TRPC7: variants seen among roughly 807,000 people sequenced by gnomAD.
TRPC7 encodes the protein transient receptor potential cation channel subfamily C member 7.
Under a neutral mutation model 90.1 loss-of-function variants are expected in TRPC7, and 42 were observed. That is an observed-to-expected ratio of 0.47 (90% confidence interval 0.36 to 0.60). The LOEUF (loss-of-function observed/expected upper bound fraction) is 0.60, where lower values mean the gene tolerates loss of function less well. Ranked by LOEUF, TRPC7 falls within the 20% of genes least tolerant of loss-of-function variation. The pLI is 0.00. For missense variants in TRPC7, 955 were observed against 1,112.3 expected (o/e 0.86, Z 2.01); for synonymous variants, 451 against 436.3 (o/e 1.03, Z -0.42).
At chr5:136,238,133 T>A (rs1446601202) in intron 7 of TRPC7, among the ~76,000 whole-genome samples, 1 of 152,230 alleles carries the variant, frequency 6.6e-6, no homozygotes, top group Non-Finnish European at 1.5e-5. Flanking sequence ...GGCTTCAGGC[T>A]CAGTCAGCAT....
chr5:136,298,101 A>G (rs1758245085), intron 3 of TRPC7, among the ~76,000 whole-genome samples: 2 of 152,214 alleles, frequency 1.3e-5, no homozygotes, highest in Non-Finnish European at 2.9e-5. Context: ...ATAAACAAGT[A>G]AACAAAAGAA....
At chr5:136,216,110 G>A in intron 11 of TRPC7, 90 bp downstream of exon 11, 1 of 1,065,388 alleles carries the variant, frequency 9.4e-7, no homozygotes, top group Non-Finnish European at 1.4e-6. Context: ...GGAGCACAGT[G>A]CCCTGACAAC....
intron 2 of TRPC7, among the ~76,000 whole-genome samples, chr5:136,338,214 A>G (rs1343318940): frequency 6.6e-6 from 1 of 152,234 alleles, no homozygotes; most frequent in Admixed American, 6.5e-5. Context: ...AGATCATAGT[A>G]ACGTAAAAGA....
chr5:136,359,973 G>A lies in TRPC7; in HGVS notation c.3-2588C>T, dbSNP rs542035899. ...AGCATCTGAGCAGTGTGTCAGATAC[G>A]AAACAGCAGCTGTCCGAGAAGAAGC... is the stretch of plus-strand genomic sequence containing the variant. On this transcript the variant is annotated intron_variant, in intron 1 of 11. Coordinates refer to ENST00000513104, the MANE Select transcript of TRPC7 (RefSeq NM_020389.3). 2.6e-4 allele frequency among the ~76,000 whole-genome samples: 39 copies of A among 152,228 alleles called. No homozygotes were observed. In the East Asian group the frequency reaches 6.8e-3, roughly 26 times the overall value.
At chr5:136,338,519 G>A (rs894405946) in intron 2 of TRPC7, among the ~76,000 whole-genome samples, 21 of 152,118 alleles carry the variant, frequency 1.4e-4, no homozygotes, top group African/African-American at 5.1e-4. Flanking sequence ...GTGTCCTATC[G>A]CTCAGGCGGG....
Position 136,226,051 on chromosome 5 carries a change from G to C in TRPC7, c.2245C>G (p.Leu749Val). The change falls in exon 9 of 12, where the codon CTG (leucine) becomes GTG (valine). Residue 749 changes from leucine to valine, a missense_variant. Leu to Val is a conservative substitution (Grantham distance 32). Transcript: ENST00000513104. Reference sequence around the variant, plus strand: ...CTACCTACCTTGAATTTGGAATTCAGCATGCCCATTTCAAGGTCATTTTCA... The same window carrying C: ...CTACCTACCTTGAATTTGGAATTCACCATGCCCATTTCAAGGTCATTTTCA... ...SCENDLEMGM[L>V]NSKFKKTRYQ... The C allele has an allele frequency of 6.3e-7, 1 of 1,597,880 alleles. No homozygotes were observed. The highest frequency in any genetic ancestry group is 8.5e-7 in the Non-Finnish European group (1 of 1,171,382).
chr5:136,324,029 T>C (rs1044262923), intron 2 of TRPC7, among the ~76,000 whole-genome samples: 3 of 152,146 alleles, frequency 2.0e-5, no homozygotes, highest in African/African-American at 7.2e-5. Flanking sequence ...TTTTCACATA[T>C]GTTTTATAAA....
intron 3 of TRPC7, among the ~76,000 whole-genome samples, chr5:136,313,313 G>A (rs1758896814): frequency 6.6e-6 from 1 of 152,138 alleles, no homozygotes. Context: ...TTTATGCCAT[G>A]TGGGCAGAAT....
chr5:136,338,405 A>G (rs1219752924), intron 2 of TRPC7, among the ~76,000 whole-genome samples: 2 of 152,218 alleles, frequency 1.3e-5, no homozygotes, highest in African/African-American at 4.8e-5. Context: ...TAGAGCTTGT[A>G]TCTCACCTCT....
Position 136,356,948 on chromosome 5 carries a change from C to A in TRPC7, c.440G>T (p.Arg147Leu), listed in dbSNP as rs1360853337. The A allele has an allele frequency of 1.9e-6, 3 of 1,612,814 alleles. No homozygotes were observed. Among genetic ancestry groups the A allele is most frequent in the African/African-American group, 2.7e-5 (2 of 74,936 alleles). ...GTCGTAGGCATAGAAGTCGTCGTCG[C>A]GCAGCTCCTGTTCCAGCGGGCTGAG... ...LTLSPLEQEL[R>L]DDDFYAYDED... The change falls in exon 2 of 12, where the codon CGC (arginine) becomes CTC (leucine). Residue 147 changes from arginine to leucine, a missense_variant. This residue lies in a region of TRPC7 where 484 missense variants were observed against 509.6 expected (regional missense o/e 0.95). Coordinates refer to ENST00000513104, the MANE Select transcript of TRPC7 (RefSeq NM_020389.3).
chr5:136,306,421 A>T (rs1189605557), intron 3 of TRPC7, among the ~76,000 whole-genome samples: 1 of 152,150 alleles, frequency 6.6e-6, no homozygotes, highest in Non-Finnish European at 1.5e-5. Context: ...CTCCCACTTT[A>T]GTTGCCCATG....
At chr5:136,338,983 T>C (rs915962068) in intron 2 of TRPC7, among the ~76,000 whole-genome samples, 1 of 152,140 alleles carries the variant, frequency 6.6e-6, no homozygotes, top group Non-Finnish European at 1.5e-5. Context: ...AAAATACGTA[T>C]CTGGGGTTTG....
chr5:136,277,650 G>A (rs986826036), intron 3 of TRPC7, among the ~76,000 whole-genome samples: 2 of 152,202 alleles, frequency 1.3e-5, no homozygotes, highest in Non-Finnish European at 2.9e-5. Flanking sequence ...GAAGAACTCG[G>A]GGTGTGACCA....
chr5:136,293,031 C>A (rs1245405169), intron 3 of TRPC7, among the ~76,000 whole-genome samples: 2 of 152,238 alleles, frequency 1.3e-5, no homozygotes, highest in African/African-American at 4.8e-5. Flanking sequence ...TAAACAGAAC[C>A]AAAGACAAAA....
chr5:136,353,161 A>G (rs1429729022), intron 2 of TRPC7, among the ~76,000 whole-genome samples: 1 of 152,232 alleles, frequency 6.6e-6, no homozygotes, highest in East Asian at 1.9e-4. Context: ...TGATTTCCAC[A>G]CCAAAAATAA....
At chr5:136,288,471 G>A (rs1426023393) in intron 3 of TRPC7, among the ~76,000 whole-genome samples, 3 of 147,780 alleles carry the variant, frequency 2.0e-5, no homozygotes, top group East Asian at 2.0e-4. Flanking sequence ...GTCTGCCACC[G>A]AGATGATACA....
intron 2 of TRPC7, among the ~76,000 whole-genome samples, chr5:136,326,272 C>T (rs1477565333): frequency 6.6e-6 from 1 of 152,172 alleles, no homozygotes; most frequent in African/African-American, 2.4e-5. Context: ...ATGCCAAGGA[C>T]CTGGACAACT....
Position 136,231,544 on chromosome 5 carries a change from T to C in TRPC7, c.1850A>G (p.Glu617Gly), listed in dbSNP as rs1755816028. The C allele has an allele frequency of 6.3e-7, 1 of 1,591,654 alleles. No individual in the cohort carries two copies. Among genetic ancestry groups the C allele is most frequent in the Admixed American group, 1.7e-5 (1 of 58,506 alleles). The change falls in exon 8 of 12, where the codon GAA becomes GGA. Residue 617 changes from glutamate (E) to glycine (G), a missense_variant. Glu to Gly is a moderately conservative substitution (Grantham distance 98). Around this residue, in one of 4 missense-constraint regions of TRPC7, gnomAD observed 296 missense variants for 422.7 expected, o/e 0.70. Coordinates refer to ENST00000513104, the MANE Select transcript of TRPC7 (RefSeq NM_020389.3). ...AKYNPAFTTV[E>G]ESFKTLFWSI... ...CCAAAACAAAGTTTTAAAACTTTCT[T>C]CAACCCTGCAAAGAAACAGACGGTC... is the stretch of plus-strand genomic sequence containing the variant.
intron 3 of TRPC7, among the ~76,000 whole-genome samples, chr5:136,291,239 A>G (rs1293697545): frequency 6.6e-6 from 1 of 152,204 alleles, no homozygotes; most frequent in African/African-American, 2.4e-5. Context: ...TCAACTAACG[A>G]GCAAAATAAC....
Sources: gnomAD v4.1 joint callset for allele counts (sites outside exome capture counted in the v4.1 genomes callset) on GRCh38, gnomAD v4.1.1 for gene constraint, gnomAD v4.1.1 regional missense constraint, MANE v1.5 for transcripts, NCBI Gene and HGNC (gene_info 2026-07-23, HGNC 2026-07-21) for gene names.